SAMMSON: variants seen among roughly 807,000 people sequenced by gnomAD.
SAMMSON encodes the protein long intergenic non-protein coding RNA 1212.
intron 4 of SAMMSON, among the ~76,000 whole-genome samples, chr3:70,203,606 C>T (rs1200384417): frequency 6.6e-6 from 1 of 151,958 alleles, no homozygotes; most frequent in Non-Finnish European, 1.5e-5. Flanking sequence ...AAAATTGAAA[C>T]ATTTTATAAG....
At chr3:70,196,532 G>A (rs1205274290) in intron 4 of SAMMSON, among the ~76,000 whole-genome samples, 2 of 152,178 alleles carry the variant, frequency 1.3e-5, no homozygotes, top group African/African-American at 4.8e-5. Context: ...GCTAATGTAT[G>A]TCAATTCTAA....
chr3:70,181,673 T>C (rs1293716676), intron 4 of SAMMSON, among the ~76,000 whole-genome samples: 5 of 152,250 alleles, frequency 3.3e-5, no homozygotes, highest in African/African-American at 1.2e-4. Context: ...CCTTCCTTCC[T>C]TGAATTCTTC....
intron 3 of SAMMSON, among the ~76,000 whole-genome samples, chr3:70,019,784 C>G (rs2067004062): frequency 6.6e-6 from 1 of 152,048 alleles, no homozygotes; most frequent in Non-Finnish European, 1.5e-5. Context: ...CTGGTGGTGA[C>G]AAACAGAAGT....
At chr3:70,195,741 CAAAGT>C (rs1701170328) in intron 4 of SAMMSON, among the ~76,000 whole-genome samples, 1 of 152,058 alleles carries the variant, frequency 6.6e-6, no homozygotes, top group Admixed American at 6.5e-5. Context: ...GAAATTAACA[CAAAGT>C]AATGAGCAAT....
chr3:70,408,694 C>T (rs1254082190), intron 2 of SAMMSON, among the ~76,000 whole-genome samples: 1 of 152,154 alleles, frequency 6.6e-6, no homozygotes, highest in Non-Finnish European at 1.5e-5. Context: ...TCCAAATTTT[C>T]CCACATTTTC....
At chr3:70,389,929 CTCTT>C (rs1701030750), downstream of SAMMSON, 2 of 152,100 alleles carry the variant, frequency 1.3e-5, no homozygotes, top group Admixed American at 6.6e-5. Flanking sequence ...GTACAAATAA[CTCTT>C]TCTTCTCTTG....
intron 3 of SAMMSON, among the ~76,000 whole-genome samples, chr3:70,037,686 A>G (rs989862653): frequency 1.3e-5 from 2 of 152,092 alleles, no homozygotes; most frequent in African/African-American, 2.4e-5. Context: ...CTCCAATGCT[A>G]TTTCACTCAT....
At chr3:70,065,998 G>A (rs1026305194) in intron 3 of SAMMSON, among the ~76,000 whole-genome samples, 1 of 152,124 alleles carries the variant, frequency 6.6e-6, no homozygotes, top group Admixed American at 6.6e-5. Context: ...CTGGTGAGCT[G>A]AGGCCTATGT....
intron 4 of SAMMSON, among the ~76,000 whole-genome samples, chr3:70,151,448 T>G (rs1461897754): frequency 6.6e-6 from 1 of 152,068 alleles, no homozygotes; most frequent in Non-Finnish European, 1.5e-5. Context: ...CAACTGGATT[T>G]CTGTTGATTT....
At chr3:70,206,712 T>C (rs1261084284) in intron 4 of SAMMSON, 7 of 397,802 alleles carry the variant, frequency 1.8e-5, no homozygotes, top group Admixed American at 4.4e-5. Context: ...ATCTGTGATA[T>C]TGAAGTCAGA....
At chr3:70,028,971 G>T (rs895778071) in intron 3 of SAMMSON, among the ~76,000 whole-genome samples, 2 of 152,204 alleles carry the variant, frequency 1.3e-5, no homozygotes, top group Non-Finnish European at 2.9e-5. Flanking sequence ...TCTGGGCTTA[G>T]AGAGATTAAG....
At chr3:70,269,004 TA>T (rs1251234624) in intron 6 of SAMMSON, among the ~76,000 whole-genome samples, 2 of 151,874 alleles carry the variant, frequency 1.3e-5, no homozygotes, top group East Asian at 3.9e-4. Flanking sequence ...AAAGTTTAAA[TA>T]AAAAAAGAAA....
rs1701681997 is a variant in SAMMSON, at chr3:70,243,866, T to C, written n.508-5241T>C. Among the ~76,000 whole-genome samples the C allele has an allele frequency of 3.3e-5, 5 of 152,308 alleles. No homozygotes were observed. In the South Asian group the frequency reaches 1.0e-3, roughly 32 times the overall value. ...TCTAGGAGGATATGTGGAGGAATTG[T>C]ATCACACATCCCTGGAGAAAATACT... is the stretch of plus-strand genomic sequence containing the variant. On this transcript the variant is annotated intron_variant and non_coding_transcript_variant, in intron 4 of 9. Coordinates refer to ENST00000642114, the Ensembl canonical transcript of SAMMSON.
chr3:70,324,153 C>CTCTATCTATCTA (rs200387919), intron 7 of SAMMSON, among the ~76,000 whole-genome samples: 13 of 148,548 alleles, frequency 8.8e-5, no homozygotes, highest in South Asian at 2.2e-4. Context: ...CTTTACATCT[C>CTCTATCTATCTA]TCTATCTATC....
At chr3:70,088,646 A>G (rs886894970) in intron 4 of SAMMSON, among the ~76,000 whole-genome samples, 3 of 152,218 alleles carry the variant, frequency 2.0e-5, no homozygotes, top group Non-Finnish European at 4.4e-5. Flanking sequence ...AGCTATCGTC[A>G]TTCAGTAACT....
intron 4 of SAMMSON, among the ~76,000 whole-genome samples, chr3:70,180,384 G>T (rs1701043066): frequency 6.6e-6 from 1 of 151,918 alleles, no homozygotes; most frequent in Non-Finnish European, 1.5e-5. Context: ...CATATTGACA[G>T]TTACTCATAT....
intron 3 of SAMMSON, among the ~76,000 whole-genome samples, chr3:70,060,214 G>A (rs2067182590): frequency 6.6e-6 from 1 of 152,090 alleles, no homozygotes. Context: ...TGTGCTAGTT[G>A]CTGGGGACGT....
chr3:70,227,512 A>T (rs1478021366), intron 4 of SAMMSON, among the ~76,000 whole-genome samples: 1 of 152,210 alleles, frequency 6.6e-6, no homozygotes, highest in Non-Finnish European at 1.5e-5. Flanking sequence ...ATTTCGATAG[A>T]GGGACAAGGC....
intron 2 of SAMMSON, among the ~76,000 whole-genome samples, chr3:70,431,122 A>G (rs1701409468): frequency 6.6e-6 from 1 of 152,136 alleles, no homozygotes; most frequent in African/African-American, 2.4e-5. Flanking sequence ...ACATGAGACC[A>G]TAAAAACTTA....
Sources: gnomAD v4.1 joint callset for allele counts (sites outside exome capture counted in the v4.1 genomes callset) on GRCh38, gnomAD v4.1.1 for gene constraint, MANE v1.5 for transcripts, NCBI Gene and HGNC (gene_info 2026-07-23, HGNC 2026-07-21) for gene names.